Variants in GPM6B observed in about 807,000 individuals in gnomAD.
The protein encoded by GPM6B is neuronal membrane glycoprotein M6-b.
Under a neutral mutation model 27.2 loss-of-function variants are expected in GPM6B, and 4 were observed. The observed-to-expected ratio is 0.15, with a 90% CI of 0.07 to 0.34. The LOEUF (loss-of-function observed/expected upper bound fraction) is 0.34, where lower values mean the gene tolerates loss of function less well. Among genes scored for constraint, GPM6B ranks in the 10% least tolerant of loss-of-function variants. The pLI is 1.00. For missense variants in GPM6B, 183 were observed against 261.9 expected, an observed-to-expected ratio of 0.70 and a Z score of 2.08; for synonymous variants, 124 against 103.1, an observed-to-expected ratio of 1.20 and a Z score of -1.23.
At chrX:13,780,496 A>C (rs772902678) in intron 4 of GPM6B, among the ~76,000 whole-genome samples, 3 of 112,347 alleles carry the variant, frequency 2.7e-5, no homozygotes, top group Admixed American at 9.4e-5. Context: ...TGCCACAAGA[A>C]GCCCTCTCAA....
At chrX:13,842,019 A>G (rs1237656576) in intron 1 of GPM6B, among the ~76,000 whole-genome samples, 1 of 112,179 alleles carries the variant, frequency 8.9e-6, no homozygotes, top group Non-Finnish European at 1.9e-5. Context: ...ACCATGTCAT[A>G]GGTCTATGTC....
intron 1 of GPM6B, among the ~76,000 whole-genome samples, chrX:13,919,948 A>G (rs1235706196): frequency 1.1e-5 from 1 of 95,219 alleles, no homozygotes; most frequent in Non-Finnish European, 2.1e-5. Flanking sequence ...GAATGAGACT[A>G]TAGCTACATC....
At chrX:13,912,945 T>C (rs1300648034) in intron 1 of GPM6B, among the ~76,000 whole-genome samples, 1 of 112,484 alleles carries the variant, frequency 8.9e-6, no homozygotes, top group East Asian at 2.8e-4. Context: ...AATCACTGAA[T>C]CCATCTTATG....
At chrX:13,774,613 C>A in intron 7 of GPM6B, 1 of 1,203,231 alleles carries the variant, frequency 8.3e-7, no homozygotes, top group Non-Finnish European at 1.1e-6. Context: ...TAGTAGCCAT[C>A]ATGTAGATCA....
chrX:13,772,772 G>C lies in GPM6B; in HGVS notation c.*109C>G. The C allele has an allele frequency of 1.4e-6, 1 of 716,388 alleles. No homozygotes were observed. The highest frequency in any genetic ancestry group is 2.1e-6 in the Non-Finnish European group (1 of 481,525). 59.0% of individuals were successfully genotyped at this position (716,388 alleles called of 1,213,427 possible). A position where few individuals can be genotyped will look rare whatever the true frequency, so the allele number is the denominator to read the frequency against. ...AGCAGCTTGAGACAGACAGTGAAGT[G>C]TTTGTACATCTACATTAGTTTGGTG... On this transcript the variant is annotated 3_prime_UTR_variant, in exon 8 of 8. Transcript: ENST00000316715.
chrX:13,844,751 G>C (rs1216852723), intron 1 of GPM6B, among the ~76,000 whole-genome samples: 1 of 111,762 alleles, frequency 8.9e-6, no homozygotes. Context: ...ATAGCTACAA[G>C]TGGTTCCCCC....
chrX:13,781,943 T>TG (rs921835931), intron 4 of GPM6B, among the ~76,000 whole-genome samples: 1 of 111,815 alleles, frequency 8.9e-6, no homozygotes, highest in Non-Finnish European at 1.9e-5. Context: ...CCTTTGGTGA[T>TG]GGAGTGGCAG....
At chrX:13,868,357 CTGTT>C (rs2049941505) in intron 1 of GPM6B, among the ~76,000 whole-genome samples, 2 of 111,775 alleles carry the variant, frequency 1.8e-5, no homozygotes, top group African/African-American at 6.5e-5. Context: ...ATGACAGAGT[CTGTT>C]TGGTTTCTGG....
intron 3 of GPM6B, among the ~76,000 whole-genome samples, chrX:13,784,735 T>C (rs1318851753): frequency 5.4e-5 from 6 of 111,756 alleles, no homozygotes; most frequent in African/African-American, 9.8e-5. Flanking sequence ...GCGACTCCAT[T>C]GAGAATGTTT....
chrX:13,881,531 A>C (rs1218470613), intron 1 of GPM6B, among the ~76,000 whole-genome samples: 1 of 96,174 alleles, frequency 1.0e-5, no homozygotes, highest in Non-Finnish European at 2.1e-5. Flanking sequence ...AAAGAATGAG[A>C]TATAAGAGCA....
intron 1 of GPM6B, among the ~76,000 whole-genome samples, chrX:13,924,819 G>A (rs748012343): frequency 9.0e-6 from 1 of 111,461 alleles, no homozygotes; most frequent in Non-Finnish European, 1.9e-5. Flanking sequence ...CCTGCTCTTG[G>A]AGAAAATATC....
chrX:13,864,335 C>G (rs1003911440), intron 1 of GPM6B, among the ~76,000 whole-genome samples: 3 of 112,898 alleles, frequency 2.7e-5, no homozygotes, highest in African/African-American at 9.6e-5. Context: ...CCAATTCCCT[C>G]TTGTAGAAAG....
intron 1 of GPM6B, among the ~76,000 whole-genome samples, chrX:13,839,021 T>G (rs1050675620): frequency 1.8e-5 from 2 of 111,473 alleles, no homozygotes; most frequent in Admixed American, 9.5e-5. Context: ...GCATTCACAT[T>G]AAAACTGAGA....
intron 1 of GPM6B, among the ~76,000 whole-genome samples, chrX:13,844,471 A>C (rs748355326): frequency 8.9e-6 from 1 of 112,538 alleles, no homozygotes; most frequent in Non-Finnish European, 1.9e-5. Flanking sequence ...ATTTGCTTTA[A>C]TCAATCACAC....
chrX:13,811,942 C>A (rs778946131), intron 1 of GPM6B, among the ~76,000 whole-genome samples: 6 of 110,932 alleles, frequency 5.4e-5, no homozygotes, highest in Non-Finnish European at 7.5e-5. Flanking sequence ...GATTATACTA[C>A]CCCTAATGGT....
intron 1 of GPM6B, among the ~76,000 whole-genome samples, chrX:13,866,729 G>C (rs1336533893): frequency 1.8e-5 from 2 of 111,476 alleles, no homozygotes; most frequent in Non-Finnish European, 3.8e-5. Context: ...CTAATGAAGA[G>C]AGAACTGAGG....
intron 1 of GPM6B, among the ~76,000 whole-genome samples, chrX:13,851,264 C>T (rs2049715290): frequency 9.1e-6 from 1 of 109,510 alleles, no homozygotes; most frequent in Admixed American, 9.8e-5. Context: ...AATATAGATT[C>T]TGAGCCAGAG....
intron 1 of GPM6B, among the ~76,000 whole-genome samples, chrX:13,931,475 G>C (rs1304548818): frequency 1.9e-5 from 2 of 107,565 alleles, no homozygotes; most frequent in Admixed American, 2.0e-4. Flanking sequence ...GCTACAGAGT[G>C]AGACTCCTTC....
intron 1 of GPM6B, among the ~76,000 whole-genome samples, chrX:13,831,741 T>G (rs1409497156): frequency 1.8e-5 from 2 of 112,042 alleles, no homozygotes; most frequent in East Asian, 5.5e-4. Flanking sequence ...CTTACTAACC[T>G]GTGCCCTTCA....
Sources: gnomAD v4.1 joint callset for allele counts (sites outside exome capture counted in the v4.1 genomes callset) on GRCh38, gnomAD v4.1.1 for gene constraint, MANE v1.5 for transcripts, NCBI Gene and HGNC (gene_info 2026-07-23, HGNC 2026-07-21) for gene names.